TMEM267: variants seen among roughly 807,000 people sequenced by gnomAD.
The protein encoded by TMEM267 is transmembrane protein C5orf28.
In TMEM267, 20 loss-of-function variants were observed where a neutral mutation model predicts 19.3. The ratio of observed to expected loss-of-function variants is 1.04; its 90% CI spans 0.73 to 1.51. The LOEUF (loss-of-function observed/expected upper bound fraction) is 1.51, where lower values mean the gene tolerates loss of function less well. Among genes scored for constraint, TMEM267 ranks in the 40% most tolerant of loss-of-function variants. The pLI, the probability that TMEM267 is intolerant of heterozygous loss-of-function variation, is 0.00. For missense variants in TMEM267, 242 were observed against 261.9 expected (o/e 0.92, Z 0.52); for synonymous variants, 88 against 90.3 (o/e 0.97, Z 0.15).
chr5:43,465,125 C>T (rs1233862388), intron 1 of TMEM267, among the ~76,000 whole-genome samples: 2 of 152,160 alleles, frequency 1.3e-5, no homozygotes, highest in African/African-American at 4.8e-5. Context: ...AAACAAACAA[C>T]CCCATCCAAA....
Position 43,444,894 on chromosome 5 carries a change from C to A in TMEM267, c.*1328G>T, listed in dbSNP as rs1356896247. On this transcript the variant is annotated 3_prime_UTR_variant, in exon 3 of 3. Coordinates refer to ENST00000397080, the MANE Select transcript of TMEM267 (RefSeq NM_022483.5). ...TTTGTTAACAACAAGAAAAAAAACT[C>A]CCCTAAAGAGCTTGAACCTTCATAA... 6.6e-6 allele frequency: 1 copy of A among 151,984 alleles called. No individual in the cohort carries two copies. The highest frequency in any genetic ancestry group is 2.1e-4 in the South Asian group (1 of 4,812). 9.4% of individuals were successfully genotyped at this position (151,984 alleles called of 1,614,324 possible). A position where few individuals can be genotyped will look rare whatever the true frequency, so the allele number is the denominator to read the frequency against.
At chr5:43,475,514 T>TA (rs2112194396) in intron 1 of TMEM267, among the ~76,000 whole-genome samples, 1 of 152,198 alleles carries the variant, frequency 6.6e-6, no homozygotes, top group East Asian at 1.9e-4. Flanking sequence ...CCCCAGAACT[T>TA]AAAGTATAAT....
chr5:43,446,533 G>C lies in TMEM267; in HGVS notation c.337C>G (p.Pro113Ala). Reference sequence around the variant, plus strand: ...ATCACAGTAGAACAGTGAAGGAAAGGTCTTCGCGGGAGAGTCAAAGCAGCC... The same window carrying C: ...ATCACAGTAGAACAGTGAAGGAAAGCTCTTCGCGGGAGAGTCAAAGCAGCC... ...LKAALTLPRR[P>A]FLHCSTVIPV... Residue 113 changes from proline (P) to alanine (A), a missense_variant, in exon 3 of 3, where the codon CCT becomes GCT. Coordinates refer to ENST00000397080, the MANE Select transcript of TMEM267 (RefSeq NM_022483.5). The C allele has an allele frequency of 6.2e-7, 1 of 1,611,816 alleles. No homozygotes were observed. Among genetic ancestry groups the C allele is most frequent in the Non-Finnish European group, 8.5e-7 (1 of 1,178,364 alleles).
At chr5:43,460,909 C>T (rs1284056331) in intron 1 of TMEM267, among the ~76,000 whole-genome samples, 6 of 152,212 alleles carry the variant, frequency 3.9e-5, no homozygotes, top group Non-Finnish European at 4.4e-5. Context: ...AGGACTGCAA[C>T]CCTTAGGTGA....
intron 1 of TMEM267, among the ~76,000 whole-genome samples, chr5:43,483,291 A>T (rs1484570105): frequency 1.3e-5 from 2 of 152,224 alleles, no homozygotes; most frequent in African/African-American, 4.8e-5. Context: ...CAAGCCTCAG[A>T]AGTTCCCAGA....
At chr5:43,482,737 C>G (rs755493478) in intron 1 of TMEM267, among the ~76,000 whole-genome samples, 4 of 152,320 alleles carry the variant, frequency 2.6e-5, no homozygotes, top group Non-Finnish European at 5.9e-5. Flanking sequence ...CAAACTTTGT[C>G]ACACCCCATC....
intron 2 of TMEM267, among the ~76,000 whole-genome samples, 194 bp from the exon 3 acceptor site, chr5:43,446,751 TTTACA>T (rs1440258745): frequency 2.6e-5 from 4 of 152,108 alleles, no homozygotes; most frequent in Non-Finnish European, 5.9e-5. Context: ...CAGGATATCC[TTTACA>T]TTAAAAATAA....
intron 1 of TMEM267, among the ~76,000 whole-genome samples, chr5:43,472,279 GAC>G (rs1057334939): frequency 1.2e-4 from 19 of 152,042 alleles, no homozygotes; most frequent in African/African-American, 4.1e-4. Context: ...ATATCCAAAA[GAC>G]AGGCAATAAC....
chr5:43,469,240 TA>T (rs1354381719), intron 1 of TMEM267, among the ~76,000 whole-genome samples: 2 of 151,620 alleles, frequency 1.3e-5, no homozygotes, highest in East Asian at 1.9e-4. Flanking sequence ...GAAATTGAAA[TA>T]AAAAAATACA....
chr5:43,449,550 G>C (rs1389018926), intron 2 of TMEM267, among the ~76,000 whole-genome samples: 1 of 152,194 alleles, frequency 6.6e-6, no homozygotes, highest in Non-Finnish European at 1.5e-5. Flanking sequence ...CAATTTAGTA[G>C]AGCTATTACT....
intron 1 of TMEM267, among the ~76,000 whole-genome samples, chr5:43,472,210 T>G (rs750824779): frequency 6.6e-6 from 1 of 152,150 alleles, no homozygotes; most frequent in South Asian, 2.1e-4. Context: ...TTTTTGATCA[T>G]CAGAGAAATG....
At chr5:43,464,139 C>T (rs1579808496) in intron 1 of TMEM267, among the ~76,000 whole-genome samples, 4 of 152,258 alleles carry the variant, frequency 2.6e-5, no homozygotes, top group African/African-American at 9.6e-5. Context: ...ACAAAAATCA[C>T]AAGCATTCTT....
rs956509884 is a variant in TMEM267, at chr5:43,445,401, C to T, written c.*821G>A. ...AATGACATTTCTGGTCTTTTTTTTG[C>T]ATAAATTCAAATGTTACGGTTATGA... On this transcript the variant is annotated 3_prime_UTR_variant, in exon 3 of 3. Coordinates refer to ENST00000397080, the MANE Select transcript of TMEM267 (RefSeq NM_022483.5). 2 of 151,548 alleles carry T rather than the reference C, an allele frequency of 1.3e-5. No homozygotes were observed. Among genetic ancestry groups the T allele is most frequent in the Admixed American group, 1.3e-4 (2 of 15,226 alleles). 9.4% of individuals were successfully genotyped at this position (151,548 alleles called of 1,614,324 possible).
rs912473777 is a variant in TMEM267 at position 43,483,855 on chromosome 5, C to T, written c.-108G>A. 5 of 152,302 alleles carry T rather than the reference C, an allele frequency of 3.3e-5. No individual in the cohort carries two copies. Among genetic ancestry groups the T allele is most frequent in the African/African-American group, 1.2e-4 (5 of 41,452 alleles). The allele number at this position is 152,302 out of a possible 1,614,324, so 9.4% of individuals were successfully genotyped here. On this transcript the variant is annotated 5_prime_UTR_variant, in exon 1 of 3. Coordinates refer to ENST00000397080, the MANE Select transcript of TMEM267 (RefSeq NM_022483.5). ...CTCTGAGTTCAATCCAGCAGCAGCTCGAGCAGCGGCTCCGCCCCTCGGTCG... is the reference window on the plus strand; with the variant it reads ...CTCTGAGTTCAATCCAGCAGCAGCTTGAGCAGCGGCTCCGCCCCTCGGTCG...
chr5:43,448,589 C>T (rs1418735664), intron 2 of TMEM267, among the ~76,000 whole-genome samples: 1 of 152,118 alleles, frequency 6.6e-6, no homozygotes, highest in Non-Finnish European at 1.5e-5. Flanking sequence ...CCAGCCTGAC[C>T]AACATGAAGA....
intron 1 of TMEM267, among the ~76,000 whole-genome samples, chr5:43,483,539 G>A (rs987354165): frequency 1.3e-5 from 2 of 152,194 alleles, no homozygotes; most frequent in Admixed American, 1.3e-4. Context: ...GGAGGGCTGG[G>A]GTTCTAGGGA....
intron 2 of TMEM267, among the ~76,000 whole-genome samples, chr5:43,448,589 CA>C (rs1447738411): frequency 6.6e-6 from 1 of 152,118 alleles, no homozygotes; most frequent in Non-Finnish European, 1.5e-5. Context: ...CCAGCCTGAC[CA>C]ACATGAAGAA....
At chr5:43,466,496 A>T (rs1287923599) in intron 1 of TMEM267, among the ~76,000 whole-genome samples, 1 of 152,228 alleles carries the variant, frequency 6.6e-6, no homozygotes, top group African/African-American at 2.4e-5. Context: ...CCTATAAGAA[A>T]AGCTAAAGGG....
rs150067423 is a variant in TMEM267, at chr5:43,453,690, G to C, written c.280C>G (p.His94Asp). The C allele has an allele frequency of 4.3e-6, 7 of 1,613,784 alleles. No homozygotes were observed. The African/African-American group carries it at 8.0e-5, about 18-fold the overall frequency. Residue 94 changes from histidine (H) to aspartate (D), a missense_variant, in exon 2 of 3, where the codon CAC becomes GAC. By Grantham distance (81) the His-to-Asp change is moderately conservative. Transcript: ENST00000397080. ...GFLASVIDVD[H>D]FFLAGSMSLK... Reference sequence around the variant, plus strand: ...GACATGGATCCAGCTAGAAAAAAGTGGTCTACATCAATAACAGAGGCTAAA... The same window carrying C: ...GACATGGATCCAGCTAGAAAAAAGTCGTCTACATCAATAACAGAGGCTAAA...
Sources: gnomAD v4.1 joint callset for allele counts (sites outside exome capture counted in the v4.1 genomes callset) on GRCh38, gnomAD v4.1.1 for gene constraint, MANE v1.5 for transcripts, NCBI Gene and HGNC (gene_info 2026-07-23, HGNC 2026-07-21) for gene names.